ANKRD18B: variants seen among roughly 807,000 people sequenced by gnomAD.
The protein encoded by ANKRD18B is ankyrin repeat domain-containing protein 18B.
Under a neutral mutation model 111.8 loss-of-function variants are expected in ANKRD18B, and 75 were observed. The ratio of observed to expected loss-of-function variants is 0.67; its 90% CI spans 0.56 to 0.81. The LOEUF is 0.81. ANKRD18B is among the 40% of genes least tolerant of loss of function. The pLI, the probability that ANKRD18B is intolerant of heterozygous loss-of-function variation, is 0.00. For synonymous variants in ANKRD18B, 356 were observed against 417.3 expected, an observed-to-expected ratio of 0.85 and a Z score of 1.79; for missense variants, 1,038 against 1,225.5, an observed-to-expected ratio of 0.85 and a Z score of 2.28.
rs1201243922 is a variant in ANKRD18B at position 33,557,076 on chromosome 9, A to AT, written c.2331-977dup. The stretch of plus-strand genomic sequence containing the variant: ...AGTTGGTTTTCTGATTCTAATCAAT[A>AT]TTTTTCTGCCATTGTCTTTCTCTAC... On this transcript the variant is annotated intron_variant, in intron 13 of 18. Transcript: ENST00000684830. 3.3e-5 allele frequency among the ~76,000 whole-genome samples: 5 copies of AT among 152,060 alleles called. No individual in the cohort carries two copies. In the East Asian group the frequency reaches 9.7e-4, roughly 29 times the overall value.
rs1232057851 is a variant in ANKRD18B, at chr9:33,529,187, A to G, written c.495+14A>G. Reference sequence around the variant, plus strand: ...GCACTAAACAAGGTACAGATCAATCAACTTTCTTTTCAAAATGTTTGTTTT... The same window carrying G: ...GCACTAAACAAGGTACAGATCAATCGACTTTCTTTTCAAAATGTTTGTTTT... On this transcript the variant is annotated intron_variant, in intron 3 of 18. Transcript: ENST00000684830. 1.3e-6 allele frequency: 2 copies of G among 1,578,954 alleles called. No individual in the cohort carries two copies. The highest frequency in any genetic ancestry group is 8.6e-7 in the Non-Finnish European group (1 of 1,166,352).
intron 13 of ANKRD18B, among the ~76,000 whole-genome samples, chr9:33,557,209 C>T (rs1828539883): frequency 6.6e-6 from 1 of 152,006 alleles, no homozygotes; most frequent in Non-Finnish European, 1.5e-5. Context: ...TTCCTTTTTT[C>T]TAAAACTGCC....
chr9:33,530,547 AAC>A (rs1828098525), intron 3 of ANKRD18B, among the ~76,000 whole-genome samples: 1 of 150,974 alleles, frequency 6.6e-6, no homozygotes, highest in Non-Finnish European at 1.5e-5. Context: ...AAAAAAAAAA[AAC>A]CTCAGTGTTC....
chr9:33,566,815 A>ACGTTGTT (rs1828692821), intron 15 of ANKRD18B, among the ~76,000 whole-genome samples: 1 of 152,184 alleles, frequency 6.6e-6, no homozygotes, highest in East Asian at 1.9e-4. Context: ...GTCTTAAGCT[A>ACGTTGTT]CGTTGTTCAT....
In ANKRD18B at chr9:33,534,387, C is replaced by G; in HGVS notation, c.620C>G (p.Ala207Gly). 1.9e-6 allele frequency: 3 copies of G among 1,545,596 alleles called. No homozygotes were observed. In the South Asian group the frequency reaches 3.6e-5, roughly 19 times the overall value. Residue 207 changes from alanine to glycine, a missense_variant, in exon 5 of 19, where the codon GCA becomes GGA. Around this residue, in one of 4 missense-constraint regions of ANKRD18B, gnomAD observed 93 missense variants for 141.3 expected, o/e 0.66. Coordinates refer to ENST00000684830, the MANE Select transcript of ANKRD18B (RefSeq NM_001393611.1). ...TGTTTTAGAACAGCCCTCATACTTG[C>G]AGTACAGCATAACTTGTCAAGTATC... is the stretch of plus-strand genomic sequence containing the variant. ...DNFKRTALILAVQHNLSSIVT... is the reference protein window; with the variant it reads ...DNFKRTALILGVQHNLSSIVT...
Position 33,547,918 on chromosome 9 carries a change from A to T in ANKRD18B, c.1150-20A>T. The T allele has an allele frequency of 1.4e-6, 2 of 1,381,106 alleles. No individual in the cohort carries two copies. Among genetic ancestry groups the T allele is most frequent in the Non-Finnish European group, 1.9e-6 (2 of 1,054,260 alleles). 85.6% of individuals were successfully genotyped at this position (1,381,106 alleles called of 1,614,324 possible). A position where few individuals can be genotyped will look rare whatever the true frequency, so the allele number is the denominator to read the frequency against. On this transcript the variant is annotated intron_variant, in intron 10 of 18. Transcript: ENST00000684830. ...AGATTATTTTGAGTGCTAACTAAAAATTTGTTTTGTTTTATTTAGGATTCT... is the reference window on the plus strand; with the variant it reads ...AGATTATTTTGAGTGCTAACTAAAATTTTGTTTTGTTTTATTTAGGATTCT...
Position 33,548,712 on chromosome 9 carries a change from GAGAT to G in ANKRD18B, c.1927_1930del (p.Ile643SerfsTer17), listed in dbSNP as rs1180164970. The G allele has an allele frequency of 2.6e-6, 4 of 1,551,078 alleles. No homozygotes were observed. Among genetic ancestry groups the G allele is most frequent in the Non-Finnish European group, 3.5e-6 (4 of 1,146,606 alleles). ...TGCTCGTAAGGAAGGTGATAATAAAGAGATAGTCATTAATATCCACAGAGACTGT... is the reference window on the plus strand; with the variant it reads ...TGCTCGTAAGGAAGGTGATAATAAAGAGTCATTAATATCCACAGAGACTGT... On this transcript the variant is annotated frameshift_variant, in exon 11 of 19. Coordinates refer to ENST00000684830, the MANE Select transcript of ANKRD18B (RefSeq NM_001393611.1). LOFTEE classifies it high-confidence loss of function.
intron 3 of ANKRD18B, among the ~76,000 whole-genome samples, chr9:33,531,779 AG>A (rs1828120927): frequency 6.6e-6 from 1 of 151,544 alleles, no homozygotes. Context: ...GTTGAATTTT[AG>A]AATTCAGAAG....
intron 10 of ANKRD18B, among the ~76,000 whole-genome samples, chr9:33,543,972 G>A (rs561195000): frequency 6.6e-6 from 1 of 152,266 alleles, no homozygotes; most frequent in African/African-American, 2.4e-5. Flanking sequence ...AACATTTGAA[G>A]TAGAATCAAA....
intron 1 of ANKRD18B, among the ~76,000 whole-genome samples, chr9:33,525,532 T>A (rs1828013583): frequency 1.3e-5 from 2 of 152,160 alleles, no homozygotes; most frequent in African/African-American, 4.8e-5. Context: ...GAATACAGAC[T>A]GAAATTTTTA....
In ANKRD18B at chr9:33,572,634, G is replaced by C. The variant is rs1463804596; in HGVS notation, c.*200G>C. The C allele has an allele frequency of 8.4e-7, 1 of 1,194,066 alleles. No individual in the cohort carries two copies. The highest frequency in any genetic ancestry group is 1.0e-6 in the Non-Finnish European group (1 of 962,090). The allele number at this position is 1,194,066 out of a possible 1,614,324, so 74.0% of individuals were successfully genotyped here. On this transcript the variant is annotated 3_prime_UTR_variant, in exon 19 of 19. Transcript: ENST00000684830. ...AATGAACACCAGTGTTATTGAGTTT[G>C]ACCTACTCAAATTGCCTGAATGTCA...
chr9:33,539,336 A>G (rs1303269022), intron 6 of ANKRD18B, 113 bp from the exon 7 acceptor site: 1 of 160,728 alleles, frequency 6.2e-6, no homozygotes, highest in Non-Finnish European at 1.5e-5. Context: ...GTCTTCTAAA[A>G]TGTGGGTAGG....
In ANKRD18B at chr9:33,562,352, G is replaced by C. The variant is rs144885820; in HGVS notation, c.2461-3867G>C. On this transcript the variant is annotated intron_variant, in intron 14 of 18. Coordinates refer to ENST00000684830, the MANE Select transcript of ANKRD18B (RefSeq NM_001393611.1). The stretch of plus-strand genomic sequence containing the variant: ...CAGTTCACAGATCCTCTTTCCACCT[G>C]GCATCTTGTTCTGTTGTGTAACACT... Among the ~76,000 whole-genome samples, 269 of 151,460 alleles carry C rather than the reference G, an allele frequency of 1.8e-3. 4 individuals carry two copies. The highest frequency in any genetic ancestry group is 6.8e-3 in the Middle Eastern group (2 of 292).
chr9:33,525,287 T>A (rs1176840442), intron 1 of ANKRD18B, among the ~76,000 whole-genome samples: 1 of 152,210 alleles, frequency 6.6e-6, no homozygotes, highest in Non-Finnish European at 1.5e-5. Flanking sequence ...CTCCTCTAGA[T>A]ATCAAAACGT....
intron 1 of ANKRD18B, 87 bp downstream of exon 1, chr9:33,524,782 G>A: frequency 6.9e-7 from 1 of 1,449,240 alleles, no homozygotes; most frequent in Non-Finnish European, 9.2e-7. Context: ...GAGTTCGCCG[G>A]GACCCTGGGA....
rs1312410340 is a variant in ANKRD18B at position 33,548,464 on chromosome 9, G to A, written c.1676G>A (p.Gly559Asp). ...KARVKFNTLK[G>D]KLRETRDALR... ...CGGGTGAAGTTCAATACCTTAAAAGGTAAGCTCCGTGAGACAAGAGATGCT... is the reference window on the plus strand; with the variant it reads ...CGGGTGAAGTTCAATACCTTAAAAGATAAGCTCCGTGAGACAAGAGATGCT... Residue 559 changes from glycine (G) to aspartate (D), a missense_variant, in exon 11 of 19, where the codon GGT becomes GAT. Gly to Asp is a moderately conservative substitution (Grantham distance 94). This residue lies in a region of ANKRD18B where 524 missense variants were observed against 677.9 expected (regional missense o/e 0.77). Coordinates refer to ENST00000684830, the MANE Select transcript of ANKRD18B (RefSeq NM_001393611.1). 6.4e-7 allele frequency: 1 copy of A among 1,551,172 alleles called. No individual in the cohort carries two copies. The highest frequency in any genetic ancestry group is 2.0e-5 in the Admixed American group (1 of 50,926).
intron 3 of ANKRD18B, among the ~76,000 whole-genome samples, chr9:33,531,002 A>T (rs1431379775): frequency 6.6e-6 from 1 of 152,036 alleles, no homozygotes; most frequent in Non-Finnish European, 1.5e-5. Flanking sequence ...TTTCAGTTGC[A>T]GTTGTATTAG....
intron 13 of ANKRD18B, among the ~76,000 whole-genome samples, chr9:33,557,606 T>A (rs973804714): frequency 3.9e-5 from 6 of 152,090 alleles, no homozygotes. Context: ...CTGACCAACA[T>A]GGTGAACCCC....
chr9:33,524,595 C>A lies in ANKRD18B; in HGVS notation c.106C>A (p.Arg36=). Residue 36 remains arginine (R), a synonymous_variant, in exon 1 of 19, where the codon CGG becomes AGG. Transcript: ENST00000684830. ...RGYHIRDWEL[R]KIHRAAIKGD... ...GTACCACATTCGGGACTGGGAACTG[C>A]GGAAGATCCACAGGGCGGCCATCAA... The A allele has an allele frequency of 6.4e-7, 1 of 1,551,508 alleles. No individual in the cohort carries two copies. Among genetic ancestry groups the A allele is most frequent in the African/African-American group, 1.4e-5 (1 of 73,150 alleles).
Sources: gnomAD v4.1 joint callset for allele counts (sites outside exome capture counted in the v4.1 genomes callset) on GRCh38, gnomAD v4.1.1 for gene constraint, gnomAD v4.1.1 regional missense constraint, MANE v1.5 for transcripts, NCBI Gene and HGNC (gene_info 2026-07-23, HGNC 2026-07-21) for gene names.